The following FGD6 variants were observed in gnomAD, a reference collection of about 807,000 sequenced individuals.
FGD6 encodes FYVE, RhoGEF and PH domain containing 6.
In FGD6, 90 loss-of-function variants were observed where a neutral mutation model predicts 149.4. The observed-to-expected ratio is 0.60, with a 90% CI of 0.51 to 0.72. The LOEUF (loss-of-function observed/expected upper bound fraction) is 0.72, where lower values mean the gene tolerates loss of function less well. FGD6 is among the 30% of genes least tolerant of loss of function. The probability of loss-of-function intolerance (pLI) is 0.00; values close to 1 mark genes in which losing one functional copy is unlikely to be tolerated. For synonymous variants in FGD6, 527 were observed against 584.0 expected (o/e 0.90, Z 1.41); for missense variants, 1,437 against 1,684.8 (o/e 0.85, Z 2.57).
chr12:95,155,096 AT>A (rs1482776971), intron 3 of FGD6, among the ~76,000 whole-genome samples: 5 of 152,232 alleles, frequency 3.3e-5, no homozygotes, highest in African/African-American at 1.2e-4. Flanking sequence ...ATTAAAAAAA[AT>A]ATGACTATAT....
intron 5 of FGD6, among the ~76,000 whole-genome samples, chr12:95,151,725 A>G (rs991784669): frequency 3.3e-5 from 5 of 152,224 alleles, no homozygotes; most frequent in African/African-American, 1.2e-4. Context: ...AAATGGATGT[A>G]TATTTGGTGA....
intron 5 of FGD6, among the ~76,000 whole-genome samples, chr12:95,142,126 C>A (rs1374992945): frequency 1.3e-5 from 2 of 148,932 alleles, no homozygotes; most frequent in Non-Finnish European, 3.0e-5. Flanking sequence ...TGCCACCATG[C>A]CAGGCTCACT....
In FGD6 at chr12:95,082,534, G is replaced by C. The variant is rs993917390; in HGVS notation, c.4257-978C>G. ...TAGCTGGGCGTGGTGGTGTGCGCCTGTAATCCCAGCTACTTGGGAGGCTGA... is the reference window on the plus strand; with the variant it reads ...TAGCTGGGCGTGGTGGTGTGCGCCTCTAATCCCAGCTACTTGGGAGGCTGA... On this transcript the variant is annotated intron_variant, in intron 20 of 20. Transcript: ENST00000343958. 1.4e-4 allele frequency among the ~76,000 whole-genome samples: 21 copies of C among 151,476 alleles called. 1 individual carries two copies. Among genetic ancestry groups the C allele is most frequent in the African/African-American group, 5.1e-4 (21 of 41,212 alleles).
chr12:95,198,376 C>G (rs150834339), intron 2 of FGD6, among the ~76,000 whole-genome samples: 1 of 152,208 alleles, frequency 6.6e-6, no homozygotes, highest in African/African-American at 2.4e-5. Context: ...AAATGGTACA[C>G]GCAAGAGCTC....
intron 16 of FGD6, 61 bp from the exon 17 acceptor site, chr12:95,091,870 T>C: frequency 7.8e-7 from 1 of 1,281,942 alleles, no homozygotes; most frequent in Non-Finnish European, 1.1e-6. Flanking sequence ...TTCTACACCA[T>C]AAAGTATGTT....
intron 8 of FGD6, among the ~76,000 whole-genome samples, chr12:95,133,613 T>G (rs904398493): frequency 6.6e-6 from 1 of 152,166 alleles, no homozygotes; most frequent in African/African-American, 2.4e-5. Flanking sequence ...ACCTCCAAAT[T>G]TACTTATAGA....
chr12:95,198,170 C>T (rs1428608898), intron 2 of FGD6, among the ~76,000 whole-genome samples: 1 of 152,176 alleles, frequency 6.6e-6, no homozygotes, highest in Non-Finnish European at 1.5e-5. Flanking sequence ...GAAACCATGG[C>T]TCACAGCAAA....
chr12:95,137,210 C>G (rs980070076), intron 7 of FGD6, among the ~76,000 whole-genome samples: 1 of 151,984 alleles, frequency 6.6e-6, no homozygotes, highest in African/African-American at 2.4e-5. Context: ...ACCTGGGAGG[C>G]GGAGGTTGCA....
intron 2 of FGD6, among the ~76,000 whole-genome samples, chr12:95,192,557 GCAGTGTAA>G (rs1303276589): frequency 3.3e-5 from 5 of 152,154 alleles, no homozygotes; most frequent in African/African-American, 1.2e-4. Context: ...TGAGGACAAG[GCAGTGTAA>G]CAAAATTTAG....
At chr12:95,183,626 C>T (rs183286271) in intron 2 of FGD6, among the ~76,000 whole-genome samples, 1 of 152,278 alleles carries the variant, frequency 6.6e-6, no homozygotes, top group African/African-American at 2.4e-5. Context: ...ATCATTTGAA[C>T]CCAGGAGTTT....
intron 1 of FGD6, among the ~76,000 whole-genome samples, chr12:95,213,321 G>C (rs2056737200): frequency 6.6e-6 from 1 of 152,174 alleles, no homozygotes; most frequent in South Asian, 2.1e-4. Context: ...GCTCATGCCT[G>C]TAATCCCAGC....
Position 95,208,261 on chromosome 12 carries a change from AT to A in FGD6, c.2441+581del, listed in dbSNP as rs201801853. Among the ~76,000 whole-genome samples the A allele has an allele frequency of 4.5e-3, 687 of 151,656 alleles. 9 individuals carry two copies. Among genetic ancestry groups the A allele is most frequent in the African/African-American group, 0.016 (657 of 41,308 alleles). On this transcript the variant is annotated intron_variant, in intron 2 of 20. Transcript: ENST00000343958. ...AGTAAGACCTCATCTCAAAAAAAAA[AT>A]TTTTTTTTAATTAAATTATTTTAAA...
At chr12:95,203,064 G>A (rs1040561753) in intron 2 of FGD6, among the ~76,000 whole-genome samples, 3 of 152,168 alleles carry the variant, frequency 2.0e-5, no homozygotes, top group African/African-American at 7.2e-5. Context: ...TGTAACCAAA[G>A]AGAGAGGTCT....
At chr12:95,138,221 T>C (rs985232619) in intron 6 of FGD6, among the ~76,000 whole-genome samples, 7 of 138,468 alleles carry the variant, frequency 5.1e-5, no homozygotes, top group African/African-American at 1.9e-4. Context: ...AATAAATAAA[T>C]AAATAAATAA....
At chr12:95,204,710 G>GCAAACA (rs1555222935) in intron 2 of FGD6, among the ~76,000 whole-genome samples, 2 of 151,066 alleles carry the variant, frequency 1.3e-5, no homozygotes, top group Non-Finnish European at 3.0e-5. Context: ...GCATGCACGC[G>GCAAACA]CACACACACA....
intron 16 of FGD6, 135 bp from the exon 17 acceptor site, chr12:95,091,944 A>C: frequency 1.6e-6 from 1 of 644,992 alleles, no homozygotes; most frequent in Non-Finnish European, 2.6e-6. Flanking sequence ...ACTTCGTCTC[A>C]ATAATAACTC....
At chr12:95,094,815 A>G (rs1878185343) in intron 14 of FGD6, 121 bp from the exon 15 acceptor site, 11 of 695,670 alleles carry the variant, frequency 1.6e-5, no homozygotes, top group Non-Finnish European at 2.8e-5. Flanking sequence ...TCAAAAAAGT[A>G]GCAACTCCTC....
At chr12:95,165,798 T>C (rs1426257015) in intron 3 of FGD6, among the ~76,000 whole-genome samples, 2 of 151,748 alleles carry the variant, frequency 1.3e-5, no homozygotes, top group East Asian at 3.9e-4. Context: ...CCACCATACC[T>C]GGCTAATTTT....
intron 1 of FGD6, among the ~76,000 whole-genome samples, chr12:95,211,685 G>A (rs961809771): frequency 6.6e-6 from 1 of 151,830 alleles, no homozygotes; most frequent in African/African-American, 2.4e-5. Flanking sequence ...GATTACAAGT[G>A]CGCACCACCA....
Sources: allele counts gnomAD v4.1 joint callset (sites outside exome capture counted in the v4.1 genomes callset), GRCh38; gene constraint gnomAD v4.1.1; transcripts MANE v1.5; gene names NCBI Gene and HGNC (gene_info 2026-07-23, HGNC 2026-07-21).